Variants in RARB observed in about 807,000 individuals in gnomAD.
RARB encodes retinoic acid receptor beta.
A neutral mutation model predicts 51.9 loss-of-function variants in RARB; 17 were observed. The observed-to-expected ratio is 0.33, with a 90% CI of 0.22 to 0.49. The LOEUF (loss-of-function observed/expected upper bound fraction) is 0.49. Among genes scored for constraint, RARB ranks in the 20% least tolerant of loss-of-function variants. The pLI, the probability that RARB is intolerant of heterozygous loss-of-function variation, is 0.99. For missense variants in RARB, 369 were observed against 550.8 expected (o/e 0.67, Z 3.30); for synonymous variants, 215 against 195.4 (o/e 1.10, Z -0.84).
chr3:25,288,585 G>A (rs1703711238), intron 5 of RARB, among the ~76,000 whole-genome samples: 3 of 152,080 alleles, frequency 2.0e-5, no homozygotes, highest in Admixed American at 1.3e-4. Flanking sequence ...TACCCCAGGT[G>A]GTATCCATTT....
At chr3:25,540,716 A>G (rs1699342099) in intron 3 of RARB, among the ~76,000 whole-genome samples, 1 of 152,234 alleles carries the variant, frequency 6.6e-6, no homozygotes, top group Non-Finnish European at 1.5e-5. Context: ...GGTGCTGTGG[A>G]TGGAGGAGGA....
chr3:25,238,511 T>G (rs1702356133), intron 5 of RARB, among the ~76,000 whole-genome samples: 1 of 152,206 alleles, frequency 6.6e-6, no homozygotes, highest in Non-Finnish European at 1.5e-5. Flanking sequence ...TTTTTTCCCT[T>G]GCGTAAATAC....
intron 4 of RARB, among the ~76,000 whole-genome samples, chr3:25,157,773 A>G (rs1410201256): frequency 6.6e-6 from 1 of 152,180 alleles, no homozygotes; most frequent in Non-Finnish European, 1.5e-5. Flanking sequence ...CATTTTTTAA[A>G]TCAGAAAGCT....
intron 2 of RARB, among the ~76,000 whole-genome samples, chr3:24,942,319 A>G (rs1156444215): frequency 1.3e-5 from 2 of 152,210 alleles, no homozygotes; most frequent in Non-Finnish European, 2.9e-5. Flanking sequence ...CATCATCTAG[A>G]AAGCAATAAT....
chr3:25,263,940 T>C (rs73821772), intron 5 of RARB, among the ~76,000 whole-genome samples: 6,629 of 152,162 alleles, frequency 0.044, 465 homozygotes, highest in African/African-American at 0.15. Flanking sequence ...GTATTTCTCT[T>C]AGAGCTCTAG....
intron 5 of RARB, among the ~76,000 whole-genome samples, chr3:25,228,614 C>T (rs1221526729): frequency 3.3e-5 from 5 of 151,868 alleles, no homozygotes; most frequent in Non-Finnish European, 4.4e-5. Flanking sequence ...ATTTCCCATT[C>T]CCTGAAATTT....
intron 2 of RARB, among the ~76,000 whole-genome samples, chr3:25,005,201 G>A (rs2125276958): frequency 6.6e-6 from 1 of 152,302 alleles, no homozygotes; most frequent in East Asian, 1.9e-4. Context: ...CTCCTAGCTA[G>A]TCTGATCCTA....
intron 2 of RARB, among the ~76,000 whole-genome samples, chr3:25,001,963 G>T (rs1425370137): frequency 2.6e-5 from 4 of 152,156 alleles, no homozygotes; most frequent in Non-Finnish European, 5.9e-5. Flanking sequence ...TAGATACAGG[G>T]TTTCACCGTG....
Position 25,241,518 on chromosome 3 carries a change from G to A in RARB, c.178+66943G>A, listed in dbSNP as rs369107669. Among the ~76,000 whole-genome samples the A allele has an allele frequency of 1.2e-4, 19 of 152,098 alleles. No individual in the cohort carries two copies. In the East Asian group the frequency reaches 2.3e-3, roughly 19 times the overall value. ...GTGTGATGTTCCCCTCCCTGTGCCC[G>A]TATTTTCTCATTGTTCAACTCCTAC... On this transcript the variant is annotated intron_variant, in intron 5 of 11. Coordinates refer to the RARB transcript ENST00000383772.
chr3:25,569,822 T>C lies in RARB; in HGVS notation c.513T>C (p.Tyr171=), dbSNP rs146549207. 3.1e-6 allele frequency: 5 copies of C among 1,614,204 alleles called. No homozygotes were observed. In the Admixed American group the frequency reaches 8.3e-5, roughly 27 times the overall value. The part of the protein sequence containing the change: ...ETSKQECTES[Y]EMTAELDDLT... ...CGAAGCAAGAATGCACAGAGAGCTA[T>C]GAAATGACAGCTGAGTTGGACGATC... The change falls in exon 4 of 8, where the codon TAT becomes TAC. Residue 171 remains tyrosine (Y), a synonymous_variant. Coordinates refer to ENST00000330688, the MANE Select transcript of RARB (RefSeq NM_000965.5).
chr3:25,559,876 T>C (rs533788092), intron 3 of RARB, among the ~76,000 whole-genome samples: 3 of 152,132 alleles, frequency 2.0e-5, no homozygotes, highest in Non-Finnish European at 4.4e-5. Flanking sequence ...GATGGACAGA[T>C]GGATGCATGG....
In RARB at chr3:25,146,509, TTG is replaced by T. The variant is rs1325286552; in HGVS notation, c.-280+14303_-280+14304del. Among the ~76,000 whole-genome samples the T allele has an allele frequency of 4.5e-4, 61 of 135,994 alleles. 1 individual carries two copies. The highest frequency in any genetic ancestry group is 7.3e-4 in the Admixed American group (10 of 13,622). 89.2% of individuals were successfully genotyped at this position (135,994 alleles called of 152,430 possible). A position where few individuals can be genotyped will look rare whatever the true frequency, so the allele number is the denominator to read the frequency against. On this transcript the variant is annotated intron_variant, in intron 4 of 11. Transcript: ENST00000383772. ...TTTGCTAAGTTTTTTGTTTGTTTGT[TTG>T]TTTTTTTTTTTTTGAGACAAGAGTC...
At chr3:24,993,477 A>G (rs1466298842) in intron 2 of RARB, among the ~76,000 whole-genome samples, 1 of 152,156 alleles carries the variant, frequency 6.6e-6, no homozygotes, top group Non-Finnish European at 1.5e-5. Flanking sequence ...ATACATTCGT[A>G]CATATGAATC....
chr3:25,513,955 C>T (rs1361516761), intron 3 of RARB, among the ~76,000 whole-genome samples: 2 of 152,128 alleles, frequency 1.3e-5, no homozygotes, highest in Non-Finnish European at 2.9e-5. Flanking sequence ...TTGATAAAAC[C>T]TTAGTGCCCA....
In RARB at chr3:25,048,942, C is replaced by T. The variant is rs146498330; in HGVS notation, c.-379-11183C>T. Among the ~76,000 whole-genome samples, 459 of 152,028 alleles carry T rather than the reference C, an allele frequency of 3.0e-3. 1 individual carries two copies. The highest frequency in any genetic ancestry group is 5.5e-3 in the African/African-American group (230 of 41,460). On this transcript the variant is annotated intron_variant, in intron 2 of 11. Coordinates refer to the RARB transcript ENST00000383772. ...TAACTTTTTGTATTTTTAGTAGAGACGGGGTTTCACCGTGTTAGCCAGGAT... is the reference window on the plus strand; with the variant it reads ...TAACTTTTTGTATTTTTAGTAGAGATGGGGTTTCACCGTGTTAGCCAGGAT...
rs1330626223 is a variant in RARB at position 24,990,090 on chromosome 3, C to T, written c.-379-70035C>T. On this transcript the variant is annotated intron_variant, in intron 2 of 11. Transcript: ENST00000383772. Reference sequence around the variant, plus strand: ...CTGGGATTACAGGCGTGAGCCACCGCGCCCTGCCTTTCTTTTTAATATAAT... The same window carrying T: ...CTGGGATTACAGGCGTGAGCCACCGTGCCCTGCCTTTCTTTTTAATATAAT... 5.0e-5 allele frequency among the ~76,000 whole-genome samples: 5 copies of T among 100,734 alleles called. 2 individuals carry two copies. The highest frequency in any genetic ancestry group is 9.8e-5 in the Non-Finnish European group (5 of 51,202). The allele number at this position is 100,734 out of a possible 152,430, so 66.1% of individuals were successfully genotyped here. A position where few individuals can be genotyped will look rare whatever the true frequency, so the allele number is the denominator to read the frequency against.
At chr3:25,581,505 C>T (rs889340145) in intron 5 of RARB, among the ~76,000 whole-genome samples, 10 of 152,126 alleles carry the variant, frequency 6.6e-5, no homozygotes, top group Admixed American at 3.3e-4. Context: ...CTCTTTAAGG[C>T]TCTAGAAGCA....
At chr3:24,891,345 C>G (rs1480881843) in intron 2 of RARB, among the ~76,000 whole-genome samples, 2 of 152,108 alleles carry the variant, frequency 1.3e-5, no homozygotes, top group African/African-American at 4.8e-5. Context: ...GGAAGCTTGT[C>G]TGTTCTGCTT....
At chr3:25,376,387 G>A (rs1706459846) in intron 5 of RARB, among the ~76,000 whole-genome samples, 2 of 152,150 alleles carry the variant, frequency 1.3e-5, no homozygotes, top group Admixed American at 6.5e-5. Context: ...TGTTAACGTA[G>A]TATACATCAA....
Sources: gnomAD v4.1 joint callset for allele counts (sites outside exome capture counted in the v4.1 genomes callset) on GRCh38, gnomAD v4.1.1 for gene constraint, MANE v1.5 for transcripts, NCBI Gene and HGNC (gene_info 2026-07-23, HGNC 2026-07-21) for gene names.